SNX25: variants seen among roughly 807,000 people sequenced by gnomAD.
The protein encoded by SNX25 is sorting nexin 25.
A neutral mutation model predicts 113.7 loss-of-function variants in SNX25; 62 were observed. That is an observed-to-expected ratio of 0.55 (90% CI 0.44 to 0.67). The LOEUF (loss-of-function observed/expected upper bound fraction) is 0.67, where lower values mean the gene tolerates loss of function less well. Among genes scored for constraint, SNX25 ranks in the 30% least tolerant of loss-of-function variants. The pLI is 0.00. For missense variants in SNX25, 1,014 were observed against 1,161.0 expected (o/e 0.87, Z 1.84); for synonymous variants, 421 against 436.2 (o/e 0.97, Z 0.43).
At chr4:185,281,992 G>A (rs1750651250) in intron 5 of SNX25, among the ~76,000 whole-genome samples, 1 of 151,874 alleles carries the variant, frequency 6.6e-6, no homozygotes, top group African/African-American at 2.4e-5. Flanking sequence ...CTCCAGTCTG[G>A]GCAACAGAGC....
At chr4:185,228,034 G>A (rs937085616) in intron 1 of SNX25, among the ~76,000 whole-genome samples, 2 of 152,190 alleles carry the variant, frequency 1.3e-5, no homozygotes, top group African/African-American at 4.8e-5. Context: ...GCAGAGAGGT[G>A]CAGAGGGAGG....
chr4:185,365,690 A>AAAAAT (rs1554015803), downstream of SNX25: 1 of 144,272 alleles, frequency 6.9e-6, no homozygotes, highest in Admixed American at 6.9e-5. Flanking sequence ...AAAAAAAAAA[A>AAAAAT]AATAATAATA....
intron 13 of SNX25, among the ~76,000 whole-genome samples, chr4:185,350,606 T>G (rs1284559273): frequency 1.3e-5 from 2 of 152,174 alleles, no homozygotes; most frequent in African/African-American, 4.8e-5. Context: ...CTCACGCCTG[T>G]AATCCCAGCA....
chr4:185,258,392 A>C (rs1746754709), intron 2 of SNX25, among the ~76,000 whole-genome samples: 1 of 152,224 alleles, frequency 6.6e-6, no homozygotes, highest in Non-Finnish European at 1.5e-5. Flanking sequence ...GTTGCCCTCC[A>C]GCATGTGCTA....
At chr4:185,255,960 A>T (rs1746349101) in intron 2 of SNX25, among the ~76,000 whole-genome samples, 1 of 152,236 alleles carries the variant, frequency 6.6e-6, no homozygotes, top group African/African-American at 2.4e-5. Flanking sequence ...TAGTACCATT[A>T]GGGATGAGAT....
intron 6 of SNX25, among the ~76,000 whole-genome samples, chr4:185,304,236 C>A (rs1227974088): frequency 1.3e-5 from 2 of 152,232 alleles, no homozygotes. Flanking sequence ...ACCTCAAACT[C>A]CTGGCTTTAG....
intron 17 of SNX25, 162 bp from the exon 18 acceptor site, chr4:185,362,449 A>C (rs1018654492): frequency 1.2e-6 from 1 of 809,564 alleles, no homozygotes; most frequent in East Asian, 1.3e-4. Flanking sequence ...CTTATGTTGA[A>C]ACATTCTTTC....
At chr4:185,335,181 G>A (rs564250375) in intron 10 of SNX25, among the ~76,000 whole-genome samples, 1 of 151,884 alleles carries the variant, frequency 6.6e-6, no homozygotes, top group Non-Finnish European at 1.5e-5. Flanking sequence ...TTAGCCTGTC[G>A]TGGTGGCGGG....
Position 185,258,864 on chromosome 4 carries a change from T to C in SNX25, c.531T>C (p.Tyr177=), listed in dbSNP as rs765018138. 13 of 1,613,628 alleles carry C rather than the reference T, an allele frequency of 8.1e-6. No individual in the cohort carries two copies. In the East Asian group the frequency reaches 1.3e-4, roughly 17 times the overall value. The change falls in exon 3 of 19, where the codon TAT becomes TAC. Residue 177 remains tyrosine (Y), a synonymous_variant. Coordinates refer to ENST00000652585, the MANE Select transcript of SNX25 (RefSeq NM_001378034.2). The part of the protein sequence containing the change: ...KALKEVFDYS[Y]RDYILSWYGN... ...TCCTGGTAGTGTTCGACTACAGTTATAGAGATTACATTCTGTCCTGGTATG... is the reference window on the plus strand; with the variant it reads ...TCCTGGTAGTGTTCGACTACAGTTACAGAGATTACATTCTGTCCTGGTATG...
upstream of SNX25, among the ~76,000 whole-genome samples, chr4:185,206,576 T>C (rs1467196836): frequency 6.8e-6 from 1 of 147,910 alleles, no homozygotes; most frequent in Non-Finnish European, 1.5e-5. Flanking sequence ...GGAGAATCTC[T>C]TGAACCGGGG....
Position 185,267,122 on chromosome 4 carries a change from G to A in SNX25, c.1058G>A (p.Ser353Asn). Residue 353 changes from serine (S) to asparagine (N), a missense_variant, in exon 5 of 19, where the codon AGC (serine) becomes AAC (asparagine). Transcript: ENST00000652585. ...SYEDFIKLIN[S>N]NSDVEFLKQL... ...GAGGACTTCATCAAGCTCATTAACA[G>A]CAACTCTGATGTGGAGTTCTTGAAG... 5.0e-6 allele frequency: 8 copies of A among 1,613,450 alleles called. No homozygotes were observed. The highest frequency in any genetic ancestry group is 6.8e-6 in the Non-Finnish European group (8 of 1,179,854).
chr4:185,285,356 A>T (rs561533974), intron 5 of SNX25, among the ~76,000 whole-genome samples: 6 of 152,326 alleles, frequency 3.9e-5, no homozygotes, highest in Admixed American at 1.3e-4. Flanking sequence ...GTAAGAAAAG[A>T]TTAAGAAATG....
At chr4:185,296,302 C>T (rs1398222258) in intron 6 of SNX25, among the ~76,000 whole-genome samples, 1 of 152,140 alleles carries the variant, frequency 6.6e-6, no homozygotes, top group African/African-American at 2.4e-5. Context: ...TGCCTTTGTT[C>T]AGGATGACAT....
chr4:185,240,966 C>T (rs1203561842), intron 1 of SNX25, among the ~76,000 whole-genome samples: 2 of 150,404 alleles, frequency 1.3e-5, no homozygotes, highest in Admixed American at 6.6e-5. Flanking sequence ...GGATGGCGGC[C>T]GGGCAGAGAC....
At chr4:185,377,202 C>T in the SNX25 span, 2 of 583,556 alleles carry the variant, frequency 3.4e-6, no homozygotes, top group East Asian at 2.9e-5. Flanking sequence ...GGTCACAGGC[C>T]CTAACACTGT....
intron 2 of SNX25, among the ~76,000 whole-genome samples, chr4:185,253,992 A>C (rs1366032164): frequency 3.9e-5 from 6 of 152,222 alleles, no homozygotes; most frequent in Non-Finnish European, 5.9e-5. Context: ...CAGCTTTGCA[A>C]CAGGTCCTAG....
In SNX25 at chr4:185,362,009, A is replaced by T. The variant is rs761038724; in HGVS notation, c.2737A>T (p.Asn913Tyr). 2 of 1,614,064 alleles carry T rather than the reference A, an allele frequency of 1.2e-6. No homozygotes were observed. Among genetic ancestry groups the T allele is most frequent in the Non-Finnish European group, 1.7e-6 (2 of 1,179,986 alleles). ...TATTTTCCGGGATGCTTTTTGGCCA[A>T]ATGGGAAGTTGGCACCACCGACCAC... The part of the protein sequence containing the change: ...INIFRDAFWP[N>Y]GKLAPPTTIR... The change falls in exon 17 of 19, where the codon AAT becomes TAT. Residue 913 changes from asparagine (N) to tyrosine (Y), a missense_variant. Physicochemically the swap from Asn to Tyr is moderately radical, Grantham distance 143. Transcript: ENST00000652585.
At chr4:185,311,039 G>T (rs181345864) in intron 7 of SNX25, among the ~76,000 whole-genome samples, 114 of 152,116 alleles carry the variant, frequency 7.5e-4, no homozygotes, top group Non-Finnish European at 1.5e-3. Flanking sequence ...GCATGTGTGT[G>T]TGCGTGTGTG....
intron 12 of SNX25, among the ~76,000 whole-genome samples, chr4:185,342,522 A>G (rs1011831884): frequency 2.0e-5 from 3 of 150,964 alleles, no homozygotes; most frequent in Non-Finnish European, 4.4e-5. Context: ...GGATTCTATC[A>G]CATATACAAG....
Sources: gnomAD v4.1 joint callset for allele counts (sites outside exome capture counted in the v4.1 genomes callset) on GRCh38, gnomAD v4.1.1 for gene constraint, MANE v1.5 for transcripts, NCBI Gene and HGNC (gene_info 2026-07-23, HGNC 2026-07-21) for gene names.